FAM53B: variants seen among roughly 807,000 people sequenced by gnomAD.
The protein encoded by FAM53B is protein FAM53B.
Under a neutral mutation model 32.7 loss-of-function variants are expected in FAM53B, and 12 were observed. The observed-to-expected ratio is 0.37, with a 90% confidence interval of 0.24 to 0.59. FAM53B has a LOEUF of 0.59. Ranked by LOEUF, FAM53B falls within the 20% of genes least tolerant of loss-of-function variation. FAM53B has a pLI of 0.72. For missense variants in FAM53B, 477 were observed against 577.7 expected (o/e 0.83, Z 1.79); for synonymous variants, 234 against 228.7 (o/e 1.02, Z -0.21).
chr10:124,725,560 G>A (rs936738214), intron 1 of FAM53B, among the ~76,000 whole-genome samples: 20 of 152,182 alleles, frequency 1.3e-4, no homozygotes, highest in Admixed American at 2.0e-4. Context: ...CTGTCAGCTC[G>A]ACCCAAATGC....
chr10:124,680,108 A>G (rs1363525420), intron 4 of FAM53B, among the ~76,000 whole-genome samples: 1 of 152,204 alleles, frequency 6.6e-6, no homozygotes, highest in Non-Finnish European at 1.5e-5. Context: ...TTGGTGTCCA[A>G]TAAATGTGTT....
At chr10:124,681,488 G>C (rs1564876247) in intron 4 of FAM53B, 119 bp downstream of exon 4, 4 of 866,126 alleles carry the variant, frequency 4.6e-6, no homozygotes, top group Non-Finnish European at 6.9e-6. Context: ...AAAAAACAAG[G>C]AAATTAACCC....
chr10:124,682,084 C>G lies in FAM53B; in HGVS notation c.429G>C (p.Lys143Asn), dbSNP rs1324833316. The G allele has an allele frequency of 6.2e-7, 1 of 1,613,818 alleles. No homozygotes were observed. The highest frequency in any genetic ancestry group is 1.7e-5 in the Admixed American group (1 of 59,992). ...CGCTGCCCCCGCTGTAGCAGCGTCT[C>G]TTTTCCACGGGAGTCCAGACTTTGG... is the stretch of plus-strand genomic sequence containing the variant. Reference protein sequence around the residue: ...LGSKVWTPVEKRRCYSGGSVQ... With the variant: ...LGSKVWTPVENRRCYSGGSVQ... Residue 143 changes from lysine to asparagine, a missense_variant, in exon 4 of 5, where the codon AAG (lysine) becomes AAC (asparagine). Physicochemically the swap from Lys to Asn is moderately conservative, Grantham distance 94. This residue lies in a region of FAM53B where 312 missense variants were observed against 420.2 expected (regional missense o/e 0.74). Coordinates refer to ENST00000337318, the MANE Select transcript of FAM53B (RefSeq NM_014661.4). The surrounding 1 kb of genome is among the most constrained non-coding windows in gnomAD (Gnocchi z 5.2).
At chr10:124,675,142 T>C (rs1201939394) in intron 4 of FAM53B, among the ~76,000 whole-genome samples, 1 of 152,148 alleles carries the variant, frequency 6.6e-6, no homozygotes, top group Non-Finnish European at 1.5e-5. Context: ...AGATTGCTTG[T>C]GCAACCTGAG....
chr10:124,662,582 C>G (rs1564871156), intron 4 of FAM53B, among the ~76,000 whole-genome samples: 1 of 151,530 alleles, frequency 6.6e-6, no homozygotes, highest in Non-Finnish European at 1.5e-5. Context: ...TTCGGAGGCT[C>G]AGGCAGGAGG....
intron 4 of FAM53B, among the ~76,000 whole-genome samples, chr10:124,625,773 G>A (rs1257322210): frequency 6.6e-6 from 1 of 152,212 alleles, no homozygotes; most frequent in Non-Finnish European, 1.5e-5. Context: ...ACAAAACAGG[G>A]GCAAGATGGC....
At chr10:124,729,583 T>A (rs987238872) in intron 1 of FAM53B, among the ~76,000 whole-genome samples, 3 of 152,210 alleles carry the variant, frequency 2.0e-5, no homozygotes, top group African/African-American at 4.8e-5. Context: ...AAGGTTTCCA[T>A]CCTGATTACA....
At chr10:124,689,731 T>C (rs1424402531) in intron 3 of FAM53B, among the ~76,000 whole-genome samples, 1 of 152,254 alleles carries the variant, frequency 6.6e-6, no homozygotes, top group Non-Finnish European at 1.5e-5. Context: ...GGGTGGCCCA[T>C]GGCAGCTGCC....
intron 3 of FAM53B, among the ~76,000 whole-genome samples, chr10:124,689,579 G>A (rs1465363370): frequency 6.6e-6 from 1 of 152,246 alleles, no homozygotes; most frequent in Admixed American, 6.5e-5. Flanking sequence ...CCGATGGCTA[G>A]AGGTAATGCA....
intron 1 of FAM53B, among the ~76,000 whole-genome samples, chr10:124,718,894 A>T (rs960342276): frequency 1.3e-5 from 2 of 152,206 alleles, no homozygotes; most frequent in African/African-American, 4.8e-5. Flanking sequence ...TAAAAAATTT[A>T]AAAAATAGCC....
intron 1 of FAM53B, among the ~76,000 whole-genome samples, chr10:124,739,667 A>G (rs1950190093): frequency 6.6e-6 from 1 of 152,172 alleles, no homozygotes; most frequent in African/African-American, 2.4e-5. Context: ...TGTGGTCTCC[A>G]TGATAGTCCA....
chr10:124,725,350 GT>G (rs750578607), intron 1 of FAM53B, among the ~76,000 whole-genome samples: 1 of 152,230 alleles, frequency 6.6e-6, no homozygotes, highest in Non-Finnish European at 1.5e-5. Context: ...CTGGGCTCAG[GT>G]GTCATCAGGG....
chr10:124,719,822 C>G (rs1175560188), intron 1 of FAM53B, among the ~76,000 whole-genome samples: 1 of 152,200 alleles, frequency 6.6e-6, no homozygotes, highest in South Asian at 2.1e-4. Context: ...CCAGTGTCAT[C>G]TGGATGGAGT....
At chr10:124,630,164 C>A (rs1247178520) in intron 4 of FAM53B, among the ~76,000 whole-genome samples, 3 of 152,348 alleles carry the variant, frequency 2.0e-5, no homozygotes, top group African/African-American at 4.8e-5. Flanking sequence ...TGTCATCCCA[C>A]AACTTTGGGA....
intron 2 of FAM53B, chr10:124,704,397 C>T (rs7085294): frequency 0.94 from 142,605 of 152,354 alleles, 67,430 homozygotes; most frequent in Non-Finnish European, 1. Flanking sequence ...TCAAGATCCA[C>T]AGGGACATGT....
intron 1 of FAM53B, among the ~76,000 whole-genome samples, chr10:124,726,406 G>A (rs1950103693): frequency 6.6e-6 from 1 of 152,210 alleles, no homozygotes; most frequent in African/African-American, 2.4e-5. Context: ...CATCGTCAGA[G>A]CCTTGGCCTA....
intron 4 of FAM53B, among the ~76,000 whole-genome samples, chr10:124,633,042 TC>T (rs1351239368): frequency 6.6e-6 from 1 of 151,458 alleles, no homozygotes. Flanking sequence ...AAGGGTGCGA[TC>T]CCCCCTTCCC....
In FAM53B at chr10:124,620,645, G is replaced by A. The variant is rs189396609; in HGVS notation, c.*2597C>T. 6.6e-6 allele frequency: 1 copy of A among 152,632 alleles called. No homozygotes were observed. Among genetic ancestry groups the A allele is most frequent in the African/African-American group, 2.4e-5 (1 of 41,586 alleles). 9.5% of individuals were successfully genotyped at this position (152,632 alleles called of 1,614,324 possible). On this transcript the variant is annotated 3_prime_UTR_variant, in exon 5 of 5. Transcript: ENST00000337318. The stretch of plus-strand genomic sequence containing the variant: ...CCAGAGGACTGAGATCAGAAGTCCT[G>A]GGGCCAGCAGGGTGGAGTGCAGGAA...
At chr10:124,678,312 G>C (rs1474957402) in intron 4 of FAM53B, among the ~76,000 whole-genome samples, 4 of 152,132 alleles carry the variant, frequency 2.6e-5, no homozygotes, top group African/African-American at 9.7e-5. Flanking sequence ...TGTACATACA[G>C]ATACAGATAC....
Sources: allele counts gnomAD v4.1 joint callset (sites outside exome capture counted in the v4.1 genomes callset), GRCh38; gene constraint gnomAD v4.1.1; regional missense constraint gnomAD v4.1.1; non-coding constraint Gnocchi (gnomAD v3.1); transcripts MANE v1.5; gene names NCBI Gene and HGNC (gene_info 2026-07-23, HGNC 2026-07-21).